Variants in BCKDHB observed in about 807,000 individuals in gnomAD.
BCKDHB encodes the protein 2-oxoisovalerate dehydrogenase subunit beta, mitochondrial.
In BCKDHB, 41 loss-of-function variants were observed where a neutral mutation model predicts 48.5. The observed-to-expected ratio is 0.85, with a 90% CI of 0.66 to 1.10. The LOEUF is 1.10. Among genes scored for constraint, BCKDHB ranks in the 50% least tolerant of loss-of-function variants. BCKDHB has a pLI of 0.00. For synonymous variants in BCKDHB, 201 were observed against 174.8 expected, an observed-to-expected ratio of 1.15 and a Z score of -1.18; for missense variants, 496 against 494.2, an observed-to-expected ratio of 1.00 and a Z score of -0.03.
At chr6:80,368,011 A>G in the BCKDHB span, among the ~76,000 whole-genome samples, 1 of 152,232 alleles carries the variant, frequency 6.6e-6, no homozygotes, top group Admixed American at 6.5e-5. Context: ...GAGATTGCAT[A>G]GGCCACACAC....
At chr6:80,128,243 A>G (rs955237594) in intron 2 of BCKDHB, among the ~76,000 whole-genome samples, 12 of 151,960 alleles carry the variant, frequency 7.9e-5, no homozygotes, top group African/African-American at 2.7e-4. Flanking sequence ...TCCACCTTCC[A>G]CCTGATAATC....
chr6:80,120,218 T>A (rs1582175187), intron 1 of BCKDHB, among the ~76,000 whole-genome samples: 1 of 152,312 alleles, frequency 6.6e-6, no homozygotes, highest in Admixed American at 6.5e-5. Flanking sequence ...TGCATAGTAT[T>A]CCATGGTGTA....
intron 8 of BCKDHB, among the ~76,000 whole-genome samples, chr6:80,272,018 C>T (rs1278998869): frequency 6.6e-6 from 1 of 152,048 alleles, no homozygotes; most frequent in Non-Finnish European, 1.5e-5. Context: ...TAATCACAGT[C>T]ATAGAAAGCC....
chr6:80,374,911 C>G, the BCKDHB span, among the ~76,000 whole-genome samples: 1 of 152,184 alleles, frequency 6.6e-6, no homozygotes, highest in Non-Finnish European at 1.5e-5. Context: ...ATTTATGAAG[C>G]TTAGTTTCAC....
chr6:80,413,965 A>G, the BCKDHB span, among the ~76,000 whole-genome samples: 1 of 152,024 alleles, frequency 6.6e-6, no homozygotes, highest in Non-Finnish European at 1.5e-5. Flanking sequence ...AGCATCTGTT[A>G]CTTTTTGATT....
At chr6:80,454,052 C>T in the BCKDHB span, 2 of 152,112 alleles carry the variant, frequency 1.3e-5, no homozygotes, top group Non-Finnish European at 2.9e-5. Context: ...GGTATGGATT[C>T]TTAAAGGAAT....
chr6:80,402,436 G>A, the BCKDHB span, among the ~76,000 whole-genome samples: 1 of 151,592 alleles, frequency 6.6e-6, no homozygotes, highest in Non-Finnish European at 1.5e-5. Context: ...CAGATTCTTT[G>A]TTCATTTTAA....
intron 9 of BCKDHB, among the ~76,000 whole-genome samples, chr6:80,327,578 A>G (rs917793640): frequency 3.3e-5 from 5 of 152,188 alleles, no homozygotes; most frequent in Non-Finnish European, 5.9e-5. Context: ...TTTGCATTTC[A>G]CCATGAAAGA....
chr6:80,367,865 C>A, the BCKDHB span, among the ~76,000 whole-genome samples: 1 of 152,252 alleles, frequency 6.6e-6, no homozygotes, highest in South Asian at 2.1e-4. Context: ...AGTGCTTCTC[C>A]TCATGCATGT....
chr6:80,378,840 T>A, the BCKDHB span, among the ~76,000 whole-genome samples: 12 of 152,146 alleles, frequency 7.9e-5, no homozygotes, highest in Non-Finnish European at 1.5e-4. Flanking sequence ...CTGACTGATA[T>A]AATATCTCAT....
intron 3 of BCKDHB, among the ~76,000 whole-genome samples, chr6:80,159,436 A>G (rs976838333): frequency 1.3e-5 from 2 of 152,234 alleles, no homozygotes; most frequent in African/African-American, 4.8e-5. Context: ...ATCCCAATAC[A>G]AGATAAACTG....
the BCKDHB span, among the ~76,000 whole-genome samples, chr6:80,366,212 G>T: frequency 6.6e-6 from 1 of 152,208 alleles, no homozygotes; most frequent in Non-Finnish European, 1.5e-5. Flanking sequence ...ATGTGGGCCA[G>T]TTGGCTTCAT....
intron 8 of BCKDHB, among the ~76,000 whole-genome samples, chr6:80,227,121 A>G (rs1775713078): frequency 6.6e-6 from 1 of 152,230 alleles, no homozygotes; most frequent in Non-Finnish European, 1.5e-5. Flanking sequence ...TTGGATTACT[A>G]CAGTAAATTA....
At chr6:80,325,772 A>C (rs1769001690) in intron 9 of BCKDHB, among the ~76,000 whole-genome samples, 1 of 152,238 alleles carries the variant, frequency 6.6e-6, no homozygotes, top group Non-Finnish European at 1.5e-5. Flanking sequence ...TTAAAAACAC[A>C]TGAGCAAAAA....
At chr6:80,416,772 TTA>T in the BCKDHB span, among the ~76,000 whole-genome samples, 132 of 63,678 alleles carry the variant, frequency 2.1e-3, no homozygotes, top group Non-Finnish European at 7.0e-3. Flanking sequence ...ATTTTTATTT[TTA>T]TTTTTTTTAA....
At chr6:80,406,115 G>T in the BCKDHB span, among the ~76,000 whole-genome samples, 2 of 152,080 alleles carry the variant, frequency 1.3e-5, no homozygotes, top group Non-Finnish European at 2.9e-5. Context: ...TGAGAATGAT[G>T]GTTTCCAGCT....
chr6:80,382,189 A>G, the BCKDHB span, among the ~76,000 whole-genome samples: 57 of 152,282 alleles, frequency 3.7e-4, 1 homozygote, highest in South Asian at 0.012. Flanking sequence ...TCAACCATCA[A>G]ATCAGTTTAA....
intron 8 of BCKDHB, among the ~76,000 whole-genome samples, chr6:80,242,944 A>G (rs1433153935): frequency 6.6e-6 from 1 of 152,174 alleles, no homozygotes; most frequent in East Asian, 1.9e-4. Context: ...TGCCATCAGT[A>G]GGCTGGTTTG....
intron 3 of BCKDHB, among the ~76,000 whole-genome samples, chr6:80,159,481 C>T (rs1411194682): frequency 3.3e-5 from 5 of 152,146 alleles, no homozygotes; most frequent in Admixed American, 6.5e-5. Context: ...TTTAAATTTG[C>T]GTGCATATTC....
Sources: gnomAD v4.1 joint callset for allele counts (sites outside exome capture counted in the v4.1 genomes callset) on GRCh38, gnomAD v4.1.1 for gene constraint, MANE v1.5 for transcripts, NCBI Gene and HGNC (gene_info 2026-07-23, HGNC 2026-07-21) for gene names.